CAMK2B: variants seen among roughly 807,000 people sequenced by gnomAD.
The protein encoded by CAMK2B is calcium/calmodulin-dependent protein kinase type II subunit beta.
CAMK2B carries 27 observed loss-of-function variants against 93.7 expected under a neutral mutation model. The ratio of observed to expected loss-of-function variants is 0.29; its 90% CI spans 0.21 to 0.40. CAMK2B has a LOEUF of 0.40. CAMK2B is among the 10% of genes least tolerant of loss of function. The pLI is 1.00. For missense variants in CAMK2B, 568 were observed against 895.8 expected (o/e 0.63, Z 4.67); for synonymous variants, 374 against 358.8 (o/e 1.04, Z -0.48).
rs2096557355 is a variant in CAMK2B at position 44,229,501 on chromosome 7, G to T, written c.1226C>A (p.Ala409Asp). 2 of 1,420,198 alleles carry T rather than the reference G, an allele frequency of 1.4e-6. No homozygotes were observed. Among genetic ancestry groups the T allele is most frequent in the Non-Finnish European group, 1.8e-6 (2 of 1,082,818 alleles). 88.0% of individuals were successfully genotyped at this position (1,420,198 alleles called of 1,614,324 possible). A position where few individuals can be genotyped will look rare whatever the true frequency, so the allele number is the denominator to read the frequency against. ...GCTCAGGATGTCGGGGACCCTGGGG[G>T]CTGAGGCGGAACAGGTGAGGCAGGC... is the stretch of plus-strand genomic sequence containing the variant. ...NTTIEDEDAK[A>D]PRVPDILSSV... Residue 409 changes from alanine (A) to aspartate (D), a missense_variant and splice_region_variant, in exon 18 of 24, where the codon GCC becomes GAC. By Grantham distance (126) the Ala-to-Asp change is moderately radical. Transcript: ENST00000395749.
intron 2 of CAMK2B, among the ~76,000 whole-genome samples, chr7:44,270,344 G>A (rs2096963175): frequency 6.6e-6 from 1 of 152,164 alleles, no homozygotes; most frequent in South Asian, 2.1e-4. Context: ...CAGAAGCTGT[G>A]TACTGTGCCA....
intron 20 of CAMK2B, 63 bp from the exon 21 acceptor site, chr7:44,220,964 ACAGCC>A: frequency 2.9e-6 from 4 of 1,375,386 alleles, no homozygotes; most frequent in Non-Finnish European, 4.0e-6. Context: ...ACCCCTCCAC[ACAGCC>A]CAGGGGAGGG....
Position 44,224,792 on chromosome 7 carries a change from G to T in CAMK2B, c.1597+1724C>A, listed in dbSNP as rs773442609. On this transcript the variant is annotated intron_variant, in intron 20 of 23. Transcript: ENST00000395749. This position sits in a 1 kb window ranked among gnomAD's most constrained non-coding sequence, Gnocchi z 4.4. ...GAGGAGACGGGGCCTGAGGCGGGCC[G>T]TGGGCACCTGCCCTATTTACACAGC... is the stretch of plus-strand genomic sequence containing the variant. 6.6e-6 allele frequency among the ~76,000 whole-genome samples: 1 copy of T among 152,060 alleles called. No individual in the cohort carries two copies. The highest frequency in any genetic ancestry group is 2.4e-5 in the African/African-American group (1 of 41,346).
chr7:44,297,697 C>T (rs1005204704), intron 1 of CAMK2B, among the ~76,000 whole-genome samples: 1 of 151,986 alleles, frequency 6.6e-6, no homozygotes, highest in Non-Finnish European at 1.5e-5. Context: ...ATCAAAATTC[C>T]AATGGCTTTT....
At chr7:44,277,766 G>C (rs1045042867) in intron 2 of CAMK2B, among the ~76,000 whole-genome samples, 1 of 150,532 alleles carries the variant, frequency 6.6e-6, no homozygotes, top group African/African-American at 2.4e-5. Flanking sequence ...TGAATAGCAG[G>C]GGGGAAGGCC....
At chr7:44,260,585 C>T (rs757672798) in intron 3 of CAMK2B, among the ~76,000 whole-genome samples, 1 of 152,170 alleles carries the variant, frequency 6.6e-6, no homozygotes, top group Non-Finnish European at 1.5e-5. Flanking sequence ...ATAAATAGCA[C>T]CTCTTCACAG....
At position 44,263,582 on chromosome 7, in the gene CAMK2B, T is replaced by C. The variant is rs150895497; in HGVS notation, c.161-518A>G. Among the ~76,000 whole-genome samples the C allele has an allele frequency of 3.2e-4, 49 of 151,964 alleles. 1 individual carries two copies. The East Asian group carries it at 7.4e-3, about 23-fold the overall frequency. On this transcript the variant is annotated intron_variant, in intron 2 of 23. Coordinates refer to ENST00000395749, the MANE Select transcript of CAMK2B (RefSeq NM_001220.5). Reference sequence around the variant, plus strand: ...TGGTGAAGCAGGAGGTGGCCCCTCCTGCCCTGGCCGCTCTCCTCCCACCCC... The same window carrying C: ...TGGTGAAGCAGGAGGTGGCCCCTCCCGCCCTGGCCGCTCTCCTCCCACCCC...
intron 12 of CAMK2B, among the ~76,000 whole-genome samples, chr7:44,239,954 T>G (rs2128956600): frequency 6.6e-6 from 1 of 152,292 alleles, no homozygotes; most frequent in East Asian, 1.9e-4. Flanking sequence ...TTAGTGTTGG[T>G]GTGACCGTGT....
At chr7:44,237,932 C>T (rs1483078434) in intron 13 of CAMK2B, among the ~76,000 whole-genome samples, 2 of 152,172 alleles carry the variant, frequency 1.3e-5, no homozygotes, top group Non-Finnish European at 2.9e-5. Flanking sequence ...CTCCTATGCC[C>T]TTACACCTGA....
chr7:44,275,630 G>A (rs2097027507), intron 2 of CAMK2B, among the ~76,000 whole-genome samples: 1 of 152,252 alleles, frequency 6.6e-6, no homozygotes, highest in Non-Finnish European at 1.5e-5. Flanking sequence ...TTTAGTTTAA[G>A]TAAGTGTGTC....
intron 2 of CAMK2B, among the ~76,000 whole-genome samples, chr7:44,272,930 A>G (rs2096988272): frequency 6.6e-6 from 1 of 152,228 alleles, no homozygotes; most frequent in Admixed American, 6.5e-5. Context: ...TGTCACTGCC[A>G]TGCTGTGGCA....
intron 1 of CAMK2B, among the ~76,000 whole-genome samples, chr7:44,291,726 A>C (rs1479386379): frequency 6.6e-6 from 1 of 152,204 alleles, no homozygotes; most frequent in Non-Finnish European, 1.5e-5. Flanking sequence ...TCCATTAGCA[A>C]GCGTTTAGGA....
intron 5 of CAMK2B, 132 bp downstream of exon 5, chr7:44,254,410 G>A (rs1442910198): frequency 1.7e-5 from 12 of 702,918 alleles, no homozygotes; most frequent in South Asian, 5.0e-5. Flanking sequence ...CATGCCCATC[G>A]CTCTGGGGTG....
Position 44,225,479 on chromosome 7 carries a change from C to T in CAMK2B, c.1597+1037G>A, listed in dbSNP as rs991662863. Reference sequence around the variant, plus strand: ...AGAACCTGGCCTCTCCCCTCAGCTGCTTGCCTCTGATCCCCTCAGTCAACC... The same window carrying T: ...AGAACCTGGCCTCTCCCCTCAGCTGTTTGCCTCTGATCCCCTCAGTCAACC... On this transcript the variant is annotated intron_variant, in intron 20 of 23. Transcript: ENST00000395749. This position sits in a 1 kb window ranked among gnomAD's most constrained non-coding sequence, Gnocchi z 5.0. Among the ~76,000 whole-genome samples, 1 of 152,158 alleles carries T rather than the reference C, an allele frequency of 6.6e-6. No individual in the cohort carries two copies. Among genetic ancestry groups the T allele is most frequent in the Non-Finnish European group, 1.5e-5 (1 of 68,018 alleles).
At chr7:44,251,854 C>G (rs1002215857) in intron 5 of CAMK2B, among the ~76,000 whole-genome samples, 3 of 152,202 alleles carry the variant, frequency 2.0e-5, no homozygotes, top group Non-Finnish European at 2.9e-5. Context: ...GGAACCTGAA[C>G]AGCCCGAGCA....
At position 44,231,945 on chromosome 7, in the gene CAMK2B, G is replaced by A. The variant is rs917869393; in HGVS notation, c.1176+877C>T. Among the ~76,000 whole-genome samples, 4 of 152,214 alleles carry A rather than the reference G, an allele frequency of 2.6e-5. No individual in the cohort carries two copies. In the East Asian group the frequency reaches 5.8e-4, roughly 22 times the overall value. ...CTAGACCAGAACTACAGGTCTTTAG[G>A]TGCAGGCTCAGAGTTCACCACAGCC... On this transcript the variant is annotated intron_variant, in intron 16 of 23. Coordinates refer to ENST00000395749, the MANE Select transcript of CAMK2B (RefSeq NM_001220.5).
At chr7:44,236,408 C>T (rs2096626666) in intron 13 of CAMK2B, among the ~76,000 whole-genome samples, 1 of 152,180 alleles carries the variant, frequency 6.6e-6, no homozygotes, top group Non-Finnish European at 1.5e-5. Context: ...CCCAGGAGTC[C>T]CTCCCAGGAT....
intron 1 of CAMK2B, among the ~76,000 whole-genome samples, chr7:44,297,793 C>G (rs1250256038): frequency 6.6e-6 from 1 of 151,926 alleles, no homozygotes; most frequent in Non-Finnish European, 1.5e-5. Flanking sequence ...AAAAGAAAAA[C>G]AAAGTTGGGG....
intron 1 of CAMK2B, among the ~76,000 whole-genome samples, chr7:44,293,983 C>T (rs3934887): frequency 0.31 from 47,398 of 152,002 alleles, 8,488 homozygotes; most frequent in Non-Finnish European, 0.41. Context: ...TGGGTCATGC[C>T]GGAGAGCTCA....
Sources: allele counts gnomAD v4.1 joint callset (sites outside exome capture counted in the v4.1 genomes callset), GRCh38; gene constraint gnomAD v4.1.1; non-coding constraint Gnocchi (gnomAD v3.1); transcripts MANE v1.5; gene names NCBI Gene and HGNC (gene_info 2026-07-23, HGNC 2026-07-21).